Variants in HIGD1B observed in about 807,000 individuals in gnomAD.
The protein encoded by HIGD1B is HIG1 domain family member 1B.
Under a neutral mutation model 8.8 loss-of-function variants are expected in HIGD1B, and 9 were observed. The ratio of observed to expected loss-of-function variants is 1.02; its 90% CI spans 0.62 to 1.78. The LOEUF (loss-of-function observed/expected upper bound fraction) is 1.78. Ranked by LOEUF, HIGD1B falls within the 40% of genes most tolerant of loss-of-function variation. The pLI, the probability that HIGD1B is intolerant of heterozygous loss-of-function variation, is 0.00. For synonymous variants in HIGD1B, 47 were observed against 38.8 expected (o/e 1.21, Z -0.78); for missense variants, 126 against 111.8 (o/e 1.13, Z -0.57).
upstream of HIGD1B, among the ~76,000 whole-genome samples, chr17:44,846,851 T>C (rs1729623392): frequency 6.6e-6 from 1 of 151,418 alleles, no homozygotes; most frequent in African/African-American, 2.4e-5. Flanking sequence ...AGGTATCCCA[T>C]TGGACAGGGC....
At chr17:44,845,271 AAAAAG>A (rs1351055883), upstream of HIGD1B, among the ~76,000 whole-genome samples, 1 of 151,822 alleles carries the variant, frequency 6.6e-6, no homozygotes, top group Non-Finnish European at 1.5e-5. Context: ...AAAAAAAAAA[AAAAAG>A]AAAGAAATAT....
intron 2 of HIGD1B, among the ~76,000 whole-genome samples, chr17:44,849,758 CAAAAAAAAAAAAAAAA>C (rs61617877): frequency 1.9e-5 from 1 of 52,542 alleles, no homozygotes; most frequent in Non-Finnish European, 3.8e-5. Flanking sequence ...GACTCTGTCT[CAAAAAAAAAAAAAAAA>C]AAAAAAAAGG....
chr17:44,848,514 C>T (rs1044252856), intron 1 of HIGD1B, among the ~76,000 whole-genome samples: 2 of 152,188 alleles, frequency 1.3e-5, no homozygotes, highest in Non-Finnish European at 2.9e-5. Flanking sequence ...GTCAGAAGAA[C>T]ACCTTGGGGT....
intron 2 of HIGD1B, among the ~76,000 whole-genome samples, chr17:44,849,714 C>T (rs2050399096): frequency 6.8e-6 from 1 of 147,776 alleles, no homozygotes. Context: ...GGGCTGAGAT[C>T]CGCCACTGCA....
upstream of HIGD1B, among the ~76,000 whole-genome samples, chr17:44,847,306 G>A (rs1007389979): frequency 4.6e-5 from 7 of 151,966 alleles, no homozygotes; most frequent in Admixed American, 2.6e-4. Flanking sequence ...GGTGGCGGGC[G>A]CCTGTAGTCC....
At chr17:44,847,379 G>A (rs2050334223), upstream of HIGD1B, among the ~76,000 whole-genome samples, 1 of 152,220 alleles carries the variant, frequency 6.6e-6, no homozygotes, top group South Asian at 2.1e-4. Context: ...CTTGCAGTGA[G>A]CCGAGATTGC....
chr17:44,849,118 G>C, intron 1 of HIGD1B, 136 bp from the exon 2 acceptor site: 7 of 863,238 alleles, frequency 8.1e-6, no homozygotes, highest in Non-Finnish European at 8.7e-6. Flanking sequence ...CCCCCGCAAC[G>C]CCCACCCCCC....
upstream of HIGD1B, among the ~76,000 whole-genome samples, chr17:44,846,055 A>G (rs1029053759): frequency 6.6e-6 from 1 of 152,152 alleles, no homozygotes; most frequent in African/African-American, 2.4e-5. Flanking sequence ...TGGGGGACCC[A>G]GGCTTTCTAC....
At chr17:44,850,290 G>C in intron 2 of HIGD1B, 42 bp from the exon 3 acceptor site, 2 of 1,546,454 alleles carry the variant, frequency 1.3e-6, no homozygotes, top group African/African-American at 2.7e-5. Context: ...GACGGGTGAA[G>C]GGTTTGATGC....
rs752145077 is a variant in HIGD1B at position 44,849,226 on chromosome 17, G to A, written c.101-28G>A. ...GGGAGTGCTGTGCATTGTGGCTGTG[G>A]CCCAGGGGCTGTGTTCTCTGCCCAC... On this transcript the variant is annotated intron_variant, in intron 1 of 2. Transcript: ENST00000253410. 6 of 1,612,882 alleles carry A rather than the reference G, an allele frequency of 3.7e-6. No homozygotes were observed. The East Asian group carries it at 8.9e-5, about 24-fold the overall frequency.
Position 44,850,413 on chromosome 17 carries a change from G to C in HIGD1B, c.*17G>C, listed in dbSNP as rs200400475. ...GAGAAGTAGGACTCCTATAGGAGCCGGGGCTGTCCAACTCCCCTAACTCAA... is the reference window on the plus strand; with the variant it reads ...GAGAAGTAGGACTCCTATAGGAGCCCGGGCTGTCCAACTCCCCTAACTCAA... On this transcript the variant is annotated 3_prime_UTR_variant, in exon 3 of 3. Coordinates refer to ENST00000253410, the MANE Select transcript of HIGD1B (RefSeq NM_016438.4). 1.9e-6 allele frequency: 3 copies of C among 1,600,036 alleles called. No homozygotes were observed. Among genetic ancestry groups the C allele is most frequent in the Non-Finnish European group, 2.6e-6 (3 of 1,169,288 alleles).
At chr17:44,847,199 C>T (rs1597777695), upstream of HIGD1B, among the ~76,000 whole-genome samples, 2 of 151,184 alleles carry the variant, frequency 1.3e-5, no homozygotes, top group Admixed American at 1.3e-4. Flanking sequence ...TTTGGGAGGC[C>T]GAGGCAGGTG....
intron 2 of HIGD1B, among the ~76,000 whole-genome samples, chr17:44,849,723 C>T (rs1179310789): frequency 7.1e-6 from 1 of 141,820 alleles, no homozygotes; most frequent in Non-Finnish European, 1.5e-5. Context: ...TCCGCCACTG[C>T]ACTCCAGCCC....
intron 1 of HIGD1B, 120 bp downstream of exon 1, chr17:44,848,372 G>A (rs1403113711): frequency 3.1e-6 from 2 of 649,296 alleles, no homozygotes; most frequent in East Asian, 2.7e-5. Context: ...CACGGAACAA[G>A]GGAAACAACA....
rs1230569629 is a variant in HIGD1B, at chr17:44,848,282, T to G, written c.100+30T>G. The G allele has an allele frequency of 4.6e-6, 4 of 864,688 alleles. No homozygotes were observed. The African/African-American group carries it at 6.6e-5, about 14-fold the overall frequency. The allele number at this position is 864,688 out of a possible 1,614,324, so 53.6% of individuals were successfully genotyped here. ...GTGAAGAAAGGAATGGGGTGCCGAG[T>G]AGGAGGCCTTCTCTGTCATGTCTCC... On this transcript the variant is annotated intron_variant, in intron 1 of 2. Transcript: ENST00000253410.
chr17:44,850,136 G>C (rs1365407453), intron 2 of HIGD1B, 196 bp from the exon 3 acceptor site: 3 of 545,048 alleles, frequency 5.5e-6, no homozygotes, highest in African/African-American at 1.9e-5. Context: ...AGTGTTTCGT[G>C]AACTGTCAGA....
chr17:44,850,264 C>G (rs371571998), intron 2 of HIGD1B, 68 bp from the exon 3 acceptor site: 3 of 1,304,036 alleles, frequency 2.3e-6, no homozygotes, highest in African/African-American at 2.9e-5. Context: ...ACCCCTAGGA[C>G]GCCTGAGAGC....
chr17:44,849,046 G>A (rs2050371372), intron 1 of HIGD1B: 1 of 520,950 alleles, frequency 1.9e-6, no homozygotes, highest in African/African-American at 1.9e-5. Flanking sequence ...AAAGTGCTGG[G>A]ATTACAGGCG....
At chr17:44,849,532 C>A in intron 2 of HIGD1B, 144 bp downstream of exon 2, 3 of 899,956 alleles carry the variant, frequency 3.3e-6, no homozygotes, top group Non-Finnish European at 5.0e-6. Flanking sequence ...GAGGCCAAGG[C>A]GGGCAGATCA....
Sources: allele counts gnomAD v4.1 joint callset (sites outside exome capture counted in the v4.1 genomes callset), GRCh38; gene constraint gnomAD v4.1.1; transcripts MANE v1.5; gene names NCBI Gene and HGNC (gene_info 2026-07-23, HGNC 2026-07-21).